The following TCF7L2 variants were observed in gnomAD, a reference collection of about 807,000 sequenced individuals.
TCF7L2 encodes transcription factor 7-like 2.
Under a neutral mutation model 77.9 loss-of-function variants are expected in TCF7L2, and 23 were observed. The observed-to-expected ratio is 0.30, with a 90% CI of 0.21 to 0.42. The LOEUF (loss-of-function observed/expected upper bound fraction) is 0.42, where lower values mean the gene tolerates loss of function less well. TCF7L2 is among the 10% of genes least tolerant of loss of function. TCF7L2 has a pLI of 1.00. For missense variants in TCF7L2, 654 were observed against 793.1 expected, an observed-to-expected ratio of 0.82 and a Z score of 2.11; for synonymous variants, 413 against 340.2, an observed-to-expected ratio of 1.21 and a Z score of -2.36.
In TCF7L2 at chr10:112,979,765, T is replaced by A. The variant is rs76381392; in HGVS notation, c.450+15141T>A. Among the ~76,000 whole-genome samples the A allele has an allele frequency of 5.0e-3, 688 of 137,346 alleles. 9 individuals carry two copies. Among genetic ancestry groups the A allele is most frequent in the South Asian group, 0.028 (126 of 4,422 alleles). The allele number at this position is 137,346 out of a possible 152,430, so 90.1% of individuals were successfully genotyped here. A position where few individuals can be genotyped will look rare whatever the true frequency, so the allele number is the denominator to read the frequency against. On this transcript the variant is annotated intron_variant, in intron 4 of 13. Coordinates refer to ENST00000627217, the MANE Select transcript of TCF7L2 (RefSeq NM_001146274.2). The stretch of plus-strand genomic sequence containing the variant: ...AGCAAGACCCTGTCTCAAAAAAAAA[T>A]AAAAAAAATAAAAAAAATAAACGAA...
chr10:113,052,241 C>T (rs917767270), intron 5 of TCF7L2, among the ~76,000 whole-genome samples: 4 of 152,094 alleles, frequency 2.6e-5, no homozygotes, highest in African/African-American at 9.7e-5. Flanking sequence ...GGCTGGGTGG[C>T]GTCTGTGGGA....
chr10:113,050,520 G>T (rs1034066264), intron 5 of TCF7L2, among the ~76,000 whole-genome samples: 2 of 152,150 alleles, frequency 1.3e-5, no homozygotes, highest in Admixed American at 1.3e-4. Flanking sequence ...ACCTTGATGG[G>T]TGGAGGTAGA....
At chr10:113,036,104 C>A (rs1590814821) in intron 4 of TCF7L2, among the ~76,000 whole-genome samples, 1 of 131,196 alleles carries the variant, frequency 7.6e-6, no homozygotes, top group African/African-American at 2.9e-5. Flanking sequence ...GCCATATCAT[C>A]ATCATCATCA....
intron 3 of TCF7L2, among the ~76,000 whole-genome samples, chr10:112,954,024 A>G (rs1342682035): frequency 1.3e-5 from 2 of 152,244 alleles, no homozygotes; most frequent in Non-Finnish European, 2.9e-5. Context: ...TCAGCAGAGC[A>G]GTGGAAATGA....
intron 5 of TCF7L2, among the ~76,000 whole-genome samples, chr10:113,049,622 C>T (rs1017438851): frequency 6.6e-6 from 1 of 152,116 alleles, no homozygotes; most frequent in Non-Finnish European, 1.5e-5. Flanking sequence ...TATCTCTGGT[C>T]TCCATAGCTC....
chr10:112,985,892 G>A (rs12775134), intron 4 of TCF7L2, among the ~76,000 whole-genome samples: 3 of 150,204 alleles, frequency 2.0e-5, no homozygotes, highest in Non-Finnish European at 4.5e-5. Flanking sequence ...GTGTGTGTGT[G>A]CATTCTTGTT....
At chr10:112,951,169 T>G (rs1344987339) in intron 1 of TCF7L2, 38 bp from the exon 2 acceptor site, 1 of 1,536,960 alleles carries the variant, frequency 6.5e-7, no homozygotes, top group Non-Finnish European at 8.8e-7. Context: ...TGCGTGGCGT[T>G]TGCCCCTCGC....
chr10:113,158,571 A>G, intron 12 of TCF7L2, 96 bp from the exon 13 acceptor site: 1 of 1,180,928 alleles, frequency 8.5e-7, no homozygotes, highest in Non-Finnish European at 1.2e-6. Context: ...AATACTGCAT[A>G]GGCAATCTCA....
chr10:112,966,553 T>C (rs1027611383), intron 4 of TCF7L2, among the ~76,000 whole-genome samples: 2 of 152,040 alleles, frequency 1.3e-5, no homozygotes, highest in East Asian at 1.9e-4. Flanking sequence ...ACATCTCGGG[T>C]AGTGCTGGAA....
At chr10:113,085,322 G>T (rs1015776350) in intron 5 of TCF7L2, among the ~76,000 whole-genome samples, 5 of 151,520 alleles carry the variant, frequency 3.3e-5, no homozygotes, top group African/African-American at 1.2e-4. Context: ...CTCCAGCCTT[G>T]GCCTCTGACA....
At chr10:112,998,028 C>T (rs2043811489) in intron 4 of TCF7L2, among the ~76,000 whole-genome samples, 2 of 151,656 alleles carry the variant, frequency 1.3e-5, no homozygotes. Context: ...ATATGGTATC[C>T]CTGATTTACT....
chr10:113,085,594 C>G (rs962377969), intron 5 of TCF7L2, among the ~76,000 whole-genome samples: 22 of 152,134 alleles, frequency 1.4e-4, no homozygotes, highest in Non-Finnish European at 2.9e-5. Context: ...CATAAAGAAG[C>G]AAGATAATGG....
At chr10:113,131,325 G>A (rs140004459) in intron 5 of TCF7L2, among the ~76,000 whole-genome samples, 2 of 152,176 alleles carry the variant, frequency 1.3e-5, no homozygotes, top group Admixed American at 6.5e-5. Context: ...CTCGTTGAGC[G>A]TAAAATAATG....
chr10:112,957,663 A>G (rs905657971), intron 3 of TCF7L2, among the ~76,000 whole-genome samples: 1 of 152,126 alleles, frequency 6.6e-6, no homozygotes, highest in Admixed American at 6.5e-5. Context: ...GGGCTATTAA[A>G]AAGGGATATT....
intron 4 of TCF7L2, among the ~76,000 whole-genome samples, chr10:112,979,804 T>A (rs148770241): frequency 9.9e-5 from 15 of 152,052 alleles, no homozygotes; most frequent in Admixed American, 5.9e-4. Flanking sequence ...CTCACAGTTA[T>A]GTTTCAACAC....
chr10:113,097,646 G>GAAA (rs869133669), intron 5 of TCF7L2, among the ~76,000 whole-genome samples: 17 of 36,742 alleles, frequency 4.6e-4, no homozygotes, highest in South Asian at 3.5e-3. Context: ...TCTTGTCTCG[G>GAAA]AAAAAAAAAA....
intron 4 of TCF7L2, among the ~76,000 whole-genome samples, chr10:112,973,467 G>A (rs2038717597): frequency 1.3e-5 from 2 of 152,184 alleles, no homozygotes; most frequent in Non-Finnish European, 2.9e-5. Flanking sequence ...AGCAGGCCAG[G>A]TTGAGGCATC....
intron 5 of TCF7L2, among the ~76,000 whole-genome samples, chr10:113,115,479 A>G (rs1014600196): frequency 4.6e-5 from 7 of 152,196 alleles, no homozygotes; most frequent in African/African-American, 1.4e-4. Flanking sequence ...GAAAATGACA[A>G]ACCTCTCATT....
intron 5 of TCF7L2, among the ~76,000 whole-genome samples, chr10:113,122,345 A>G (rs1398489923): frequency 6.6e-6 from 1 of 152,258 alleles, no homozygotes; most frequent in Non-Finnish European, 1.5e-5. Flanking sequence ...ATGTTTACTG[A>G]AGGAATTTGT....
Sources: allele counts gnomAD v4.1 joint callset (sites outside exome capture counted in the v4.1 genomes callset), GRCh38; gene constraint gnomAD v4.1.1; transcripts MANE v1.5; gene names NCBI Gene and HGNC (gene_info 2026-07-23, HGNC 2026-07-21).